The following KCNIP4 variants were observed in gnomAD, a reference collection of about 807,000 sequenced individuals.
KCNIP4 encodes the protein Kv channel-interacting protein 4.
Under a neutral mutation model 34.0 loss-of-function variants are expected in KCNIP4, and 12 were observed. That is an observed-to-expected ratio of 0.35 (90% CI 0.23 to 0.57). The LOEUF is 0.57. KCNIP4 is among the 20% of genes least tolerant of loss of function. KCNIP4 has a pLI of 0.83. For synonymous variants in KCNIP4, 124 were observed against 102.2 expected (o/e 1.21, Z -1.29); for missense variants, 238 against 311.7 (o/e 0.76, Z 1.78).
At chr4:21,542,354 G>T (rs533361191) in intron 1 of KCNIP4, among the ~76,000 whole-genome samples, 1 of 151,874 alleles carries the variant, frequency 6.6e-6, no homozygotes, top group African/African-American at 2.4e-5. Context: ...ATATTTTAAG[G>T]CTTCAAAAAT....
At chr4:21,070,963 C>A (rs1744859053) in intron 1 of KCNIP4, among the ~76,000 whole-genome samples, 1 of 152,026 alleles carries the variant, frequency 6.6e-6, no homozygotes, top group South Asian at 2.1e-4. Flanking sequence ...GCTTGAGCCA[C>A]CATGCCTGGC....
intron 1 of KCNIP4, among the ~76,000 whole-genome samples, chr4:21,610,112 G>A (rs1178701313): frequency 1.3e-5 from 2 of 152,200 alleles, no homozygotes; most frequent in Non-Finnish European, 2.9e-5. Context: ...CTTTTCAGTG[G>A]CAGGTTATAA....
At chr4:21,537,248 T>C (rs1737253209) in intron 1 of KCNIP4, among the ~76,000 whole-genome samples, 1 of 152,146 alleles carries the variant, frequency 6.6e-6, no homozygotes, top group African/African-American at 2.4e-5. Flanking sequence ...CTCAAACCTT[T>C]CTGGTCATTT....
intron 1 of KCNIP4, among the ~76,000 whole-genome samples, chr4:21,247,764 C>CTATATATATATATATA (rs1560212682): frequency 3.0e-5 from 2 of 66,380 alleles, no homozygotes; most frequent in South Asian, 4.8e-4. Flanking sequence ...ATATATACAC[C>CTATATATATATATATA]CCACAGGTGT....
At chr4:21,467,648 T>C (rs1187341923) in intron 1 of KCNIP4, among the ~76,000 whole-genome samples, 3 of 152,176 alleles carry the variant, frequency 2.0e-5, no homozygotes, top group Non-Finnish European at 4.4e-5. Context: ...CAAGACATGA[T>C]AAGATTCTTG....
At chr4:21,796,930 C>T (rs1720664093) in intron 1 of KCNIP4, among the ~76,000 whole-genome samples, 1 of 152,166 alleles carries the variant, frequency 6.6e-6, no homozygotes, top group South Asian at 2.1e-4. Flanking sequence ...CTAGCATGCT[C>T]CCTTTATATT....
intron 1 of KCNIP4, among the ~76,000 whole-genome samples, chr4:21,605,756 A>C (rs1023262811): frequency 6.6e-6 from 1 of 152,288 alleles, no homozygotes; most frequent in Non-Finnish European, 1.5e-5. Context: ...CTGGGATTAC[A>C]GGCGTGATCC....
chr4:20,933,368 C>T (rs987575632), intron 1 of KCNIP4, among the ~76,000 whole-genome samples: 1 of 152,024 alleles, frequency 6.6e-6, no homozygotes, highest in African/African-American at 2.4e-5. Context: ...GTCATGGATG[C>T]ATACAAGTAA....
intron 1 of KCNIP4, among the ~76,000 whole-genome samples, chr4:21,241,540 G>A (rs1353120358): frequency 6.6e-6 from 1 of 152,124 alleles, no homozygotes; most frequent in Admixed American, 6.5e-5. Context: ...GCAAACTCCA[G>A]TCTTTTCAGA....
chr4:20,963,158 TAAAAATACA>T (rs755800320), intron 1 of KCNIP4, among the ~76,000 whole-genome samples: 2 of 149,840 alleles, frequency 1.3e-5, no homozygotes, highest in Non-Finnish European at 3.0e-5. Flanking sequence ...CTGTCTTTAC[TAAAAATACA>T]AAAAAAAAAA....
At chr4:21,470,551 G>T (rs1476473398) in intron 1 of KCNIP4, among the ~76,000 whole-genome samples, 1 of 152,156 alleles carries the variant, frequency 6.6e-6, no homozygotes, top group Non-Finnish European at 1.5e-5. Flanking sequence ...AGAAAGGAAA[G>T]GCAAATGCAC....
intron 1 of KCNIP4, among the ~76,000 whole-genome samples, chr4:21,395,248 G>C (rs1188075635): frequency 6.6e-6 from 1 of 151,984 alleles, no homozygotes; most frequent in African/African-American, 2.4e-5. Context: ...AGAAACCAAG[G>C]GTAAACTACC....
intron 1 of KCNIP4, among the ~76,000 whole-genome samples, chr4:21,392,419 A>G (rs1217222559): frequency 2.0e-5 from 3 of 152,214 alleles, no homozygotes; most frequent in Admixed American, 2.0e-4. Context: ...ATTCTGTTTT[A>G]AATTGCAATG....
intron 1 of KCNIP4, among the ~76,000 whole-genome samples, chr4:21,894,992 CT>C (rs1727302852): frequency 6.6e-6 from 1 of 152,122 alleles, no homozygotes; most frequent in Non-Finnish European, 1.5e-5. Flanking sequence ...TCTCTTATCT[CT>C]TCTCTCTTCT....
At chr4:21,083,847 G>T (rs187730167) in intron 1 of KCNIP4, among the ~76,000 whole-genome samples, 4 of 151,996 alleles carry the variant, frequency 2.6e-5, no homozygotes, top group Admixed American at 2.6e-4. Flanking sequence ...TTGGCGGCAG[G>T]GGAAATTGCA....
At chr4:21,798,134 AT>A (rs1035304322) in intron 1 of KCNIP4, among the ~76,000 whole-genome samples, 1 of 150,870 alleles carries the variant, frequency 6.6e-6, no homozygotes, top group Non-Finnish European at 1.5e-5. Context: ...CAAAAAAAAA[AT>A]ACGTACACAC....
intron 1 of KCNIP4, among the ~76,000 whole-genome samples, chr4:21,435,211 A>C (rs1726843296): frequency 6.6e-6 from 1 of 152,194 alleles, no homozygotes; most frequent in African/African-American, 2.4e-5. Context: ...TGTGTTGAAA[A>C]ATGTAAACCA....
At chr4:21,177,770 C>A (rs1258949615) in intron 1 of KCNIP4, among the ~76,000 whole-genome samples, 3 of 151,212 alleles carry the variant, frequency 2.0e-5, no homozygotes. Flanking sequence ...ATGGCTTGAA[C>A]CTGGGAGGTA....
intron 1 of KCNIP4, chr4:21,718,566 G>A (rs1714565609): frequency 6.6e-6 from 1 of 151,914 alleles, no homozygotes; most frequent in African/African-American, 2.4e-5. Context: ...GCCGGATCTT[G>A]TCTGAAACTT....
Sources: allele counts gnomAD v4.1 joint callset (sites outside exome capture counted in the v4.1 genomes callset), GRCh38; gene constraint gnomAD v4.1.1; transcripts MANE v1.5; gene names NCBI Gene and HGNC (gene_info 2026-07-23, HGNC 2026-07-21).